PTPRN2: variants seen among roughly 807,000 people sequenced by gnomAD.
PTPRN2 encodes receptor-type tyrosine-protein phosphatase N2.
In PTPRN2, 74 loss-of-function variants were observed where a neutral mutation model predicts 118.8. That is an observed-to-expected ratio of 0.62 (90% CI 0.52 to 0.76). The LOEUF (loss-of-function observed/expected upper bound fraction) is 0.76, where lower values mean the gene tolerates loss of function less well. PTPRN2 is among the 30% of genes least tolerant of loss of function. The probability of loss-of-function intolerance (pLI) is 0.00; values close to 1 mark genes in which losing one functional copy is unlikely to be tolerated. For missense variants in PTPRN2, 1,481 were observed against 1,394.4 expected (o/e 1.06, Z -0.99); for synonymous variants, 641 against 608.0 (o/e 1.05, Z -0.80).
intron 9 of PTPRN2, among the ~76,000 whole-genome samples, chr7:158,114,304 G>C (rs1196801490): frequency 6.6e-6 from 1 of 152,138 alleles, no homozygotes; most frequent in African/African-American, 2.4e-5. Context: ...GAGGCCACAG[G>C]TCAGGCCTGG....
intron 10 of PTPRN2, among the ~76,000 whole-genome samples, chr7:158,086,698 T>C (rs746490754): frequency 6.6e-6 from 1 of 152,222 alleles, no homozygotes; most frequent in Non-Finnish European, 1.5e-5. Flanking sequence ...GGAGCTGTCC[T>C]CTCCCACCTG....
chr7:157,583,754 G>C lies in PTPRN2; in HGVS notation c.2497-5614C>G, dbSNP rs1349622925. On this transcript the variant is annotated intron_variant, in intron 17 of 22. Coordinates refer to ENST00000389418, the MANE Select transcript of PTPRN2 (RefSeq NM_002847.5). This position sits in a 1 kb window ranked among gnomAD's most constrained non-coding sequence, Gnocchi z 5.5. ...GAAAATTAGCCAGGTGTGTTGGTGGGTGCTGTAATCCCAGCTACTCAGGAG... is the reference window on the plus strand; with the variant it reads ...GAAAATTAGCCAGGTGTGTTGGTGGCTGCTGTAATCCCAGCTACTCAGGAG... 6.6e-6 allele frequency among the ~76,000 whole-genome samples: 1 copy of C among 152,086 alleles called. No individual in the cohort carries two copies. The highest frequency in any genetic ancestry group is 1.5e-5 in the Non-Finnish European group (1 of 67,994).
At chr7:158,106,810 T>A (rs549163736) in intron 10 of PTPRN2, among the ~76,000 whole-genome samples, 154 of 152,236 alleles carry the variant, frequency 1.0e-3, no homozygotes, top group African/African-American at 3.6e-3. Flanking sequence ...CCTCTAATTT[T>A]CAAAATATAA....
At chr7:158,164,381 T>A (rs1224487766) in intron 6 of PTPRN2, among the ~76,000 whole-genome samples, 4 of 30,510 alleles carry the variant, frequency 1.3e-4, no homozygotes, top group African/African-American at 3.1e-4. Flanking sequence ...GGAGGGTGCG[T>A]AGGAAGGACA....
rs913932982 is a variant in PTPRN2 at position 157,850,709 on chromosome 7, A to G, written c.1788+47964T>C. ...AAGGTGTAGAATAGCCTGGGATTCC[A>G]GGTTCCTGGGAGTCCTGCAGGGCAG... On this transcript the variant is annotated intron_variant, in intron 12 of 22. Coordinates refer to ENST00000389418, the MANE Select transcript of PTPRN2 (RefSeq NM_002847.5). Among the ~76,000 whole-genome samples, 6 of 152,324 alleles carry G rather than the reference A, an allele frequency of 3.9e-5. No homozygotes were observed. In the East Asian group the frequency reaches 9.7e-4, roughly 25 times the overall value.
intron 12 of PTPRN2, among the ~76,000 whole-genome samples, chr7:157,817,353 C>T (rs1456114105): frequency 1.3e-5 from 2 of 152,126 alleles, no homozygotes; most frequent in African/African-American, 2.4e-5. Context: ...CCATGACAAA[C>T]CCCCCTTTTG....
rs1328298238 is a variant in PTPRN2 at position 157,733,412 on chromosome 7, C to T, written c.1789-50475G>A. Among the ~76,000 whole-genome samples, 4 of 85,152 alleles carry T rather than the reference C, an allele frequency of 4.7e-5. 1 individual carries two copies. Among genetic ancestry groups the T allele is most frequent in the Non-Finnish European group, 9.7e-5 (4 of 41,132 alleles). 55.9% of individuals were successfully genotyped at this position (85,152 alleles called of 152,430 possible). On this transcript the variant is annotated intron_variant, in intron 12 of 22. Transcript: ENST00000389418. ...CACAGTTACCCTTCCACCCCATGCG[C>T]CCAGCACAGTTACTCTTTTCCGTCC...
rs577157117 is a variant in PTPRN2 at position 157,845,501 on chromosome 7, G to A, written c.1788+53172C>T. ...TCCCGACCACACCCTGGTGAACCACGCAGCCTAACTCAGCATGTTCCCGGC... is the reference window on the plus strand; with the variant it reads ...TCCCGACCACACCCTGGTGAACCACACAGCCTAACTCAGCATGTTCCCGGC... On this transcript the variant is annotated intron_variant, in intron 12 of 22. Transcript: ENST00000389418. The surrounding 1 kb of genome is among the most constrained non-coding windows in gnomAD (Gnocchi z 4.5). Among the ~76,000 whole-genome samples the A allele has an allele frequency of 6.6e-6, 1 of 152,028 alleles. No homozygotes were observed. The highest frequency in any genetic ancestry group is 6.5e-5 in the Admixed American group (1 of 15,280).
rs367946920 is a variant in PTPRN2, at chr7:158,269,833, G to T, written c.277+46986C>A. Among the ~76,000 whole-genome samples, 9 of 152,062 alleles carry T rather than the reference G, an allele frequency of 5.9e-5. 1 individual carries two copies. The South Asian group carries it at 1.9e-3, about 32-fold the overall frequency. On this transcript the variant is annotated intron_variant, in intron 3 of 22. Coordinates refer to ENST00000389418, the MANE Select transcript of PTPRN2 (RefSeq NM_002847.5). ...AGAGACAGAGATAGAAAGAGACAGA[G>T]GGATAGGGAGTCGGAGACACAGAGA...
intron 3 of PTPRN2, 108 bp downstream of exon 3, chr7:158,316,711 A>T: frequency 1.3e-6 from 1 of 782,622 alleles, no homozygotes; most frequent in East Asian, 2.8e-5. Context: ...CCACCACCAC[A>T]CTCGTGGATT....
chr7:158,331,118 C>T (rs1221530032), intron 2 of PTPRN2, among the ~76,000 whole-genome samples: 6 of 148,316 alleles, frequency 4.0e-5, no homozygotes, highest in African/African-American at 1.5e-4. Flanking sequence ...CACACCCACA[C>T]TCTCACCATA....
At chr7:157,968,220 G>A (rs555641614) in intron 11 of PTPRN2, among the ~76,000 whole-genome samples, 9 of 152,274 alleles carry the variant, frequency 5.9e-5, no homozygotes, top group South Asian at 2.1e-4. Context: ...TGTAACAAGC[G>A]GTAACTGTGA....
intron 11 of PTPRN2, among the ~76,000 whole-genome samples, chr7:158,017,116 C>T (rs1806516108): frequency 6.6e-6 from 1 of 152,102 alleles, no homozygotes; most frequent in South Asian, 2.1e-4. Context: ...GGCAAAGGGC[C>T]CAGTGGTGCT....
chr7:158,182,485 C>T (rs756034323), intron 5 of PTPRN2, among the ~76,000 whole-genome samples: 1 of 152,130 alleles, frequency 6.6e-6, no homozygotes, highest in Non-Finnish European at 1.5e-5. Context: ...CCCCCCAACC[C>T]TCAGCAGGCC....
At chr7:157,623,514 C>G (rs1046869943) in intron 14 of PTPRN2, among the ~76,000 whole-genome samples, 1 of 152,158 alleles carries the variant, frequency 6.6e-6, no homozygotes, top group Admixed American at 6.5e-5. Flanking sequence ...TTAATCCAAT[C>G]GAAAATATTA....
intron 12 of PTPRN2, among the ~76,000 whole-genome samples, chr7:157,772,267 A>G (rs1802901887): frequency 6.6e-6 from 1 of 150,900 alleles, no homozygotes; most frequent in Non-Finnish European, 1.5e-5. Flanking sequence ...ACAGACACCC[A>G]TACAGACATA....
chr7:158,569,291 G>A (rs896604639), intron 1 of PTPRN2, among the ~76,000 whole-genome samples: 7 of 152,034 alleles, frequency 4.6e-5, no homozygotes, highest in Non-Finnish European at 1.0e-4. Flanking sequence ...GTCCCTGAGC[G>A]AACGCACCGG....
chr7:158,087,818 T>C (rs868081605), intron 10 of PTPRN2, among the ~76,000 whole-genome samples: 2 of 97,624 alleles, frequency 2.0e-5, no homozygotes, highest in African/African-American at 6.4e-5. Context: ...CCTCCCCTGA[T>C]GAAAGAGGGA....
At chr7:158,441,115 T>A (rs1817074193) in intron 2 of PTPRN2, among the ~76,000 whole-genome samples, 1 of 149,838 alleles carries the variant, frequency 6.7e-6, no homozygotes, top group Non-Finnish European at 1.5e-5. Flanking sequence ...GTGATGGTGA[T>A]GGTGATAGTG....
Sources: gnomAD v4.1 joint callset for allele counts (sites outside exome capture counted in the v4.1 genomes callset) on GRCh38, gnomAD v4.1.1 for gene constraint, Gnocchi (gnomAD v3.1) non-coding constraint, MANE v1.5 for transcripts, NCBI Gene and HGNC (gene_info 2026-07-23, HGNC 2026-07-21) for gene names.